Variants in GNA11 observed in about 807,000 individuals in gnomAD.
GNA11 encodes G protein subunit alpha 11.
Under a neutral mutation model 38.2 loss-of-function variants are expected in GNA11, and 8 were observed. That is an observed-to-expected ratio of 0.21 (90% CI 0.12 to 0.38). The LOEUF is 0.38. Among genes scored for constraint, GNA11 ranks in the 10% least tolerant of loss-of-function variants. The probability of loss-of-function intolerance (pLI) is 1.00; values close to 1 mark genes in which losing one functional copy is unlikely to be tolerated. For missense variants in GNA11, 268 were observed against 516.3 expected, an observed-to-expected ratio of 0.52 and a Z score of 4.66; for synonymous variants, 211 against 221.4, an observed-to-expected ratio of 0.95 and a Z score of 0.42.
intron 1 of GNA11, among the ~76,000 whole-genome samples, chr19:3,103,883 C>T (rs1913569984): frequency 6.6e-6 from 1 of 152,086 alleles, no homozygotes; most frequent in Non-Finnish European, 1.5e-5. Context: ...GACGCGGTTT[C>T]ACCGTGTTAG....
intron 1 of GNA11, among the ~76,000 whole-genome samples, chr19:3,103,088 C>T (rs965748009): frequency 6.6e-6 from 1 of 152,170 alleles, no homozygotes; most frequent in African/African-American, 2.4e-5. Context: ...GCTCAGGCGT[C>T]GTAGACGGGA....
rs1433092196 is a variant in GNA11, at chr19:3,110,914, G to A, written c.321+581G>A. On this transcript the variant is annotated intron_variant, in intron 2 of 6. Coordinates refer to ENST00000078429, the MANE Select transcript of GNA11 (RefSeq NM_002067.5). This position sits in a 1 kb window ranked among gnomAD's most constrained non-coding sequence, Gnocchi z 5.4. ...TCTGGGCTCAGGTGATCCCACCACAGCCTCCCGGGTAGCTGGGACTGCAGG... is the reference window on the plus strand; with the variant it reads ...TCTGGGCTCAGGTGATCCCACCACAACCTCCCGGGTAGCTGGGACTGCAGG... Among the ~76,000 whole-genome samples, 1 of 152,192 alleles carries A rather than the reference G, an allele frequency of 6.6e-6. No homozygotes were observed. Among genetic ancestry groups the A allele is most frequent in the Non-Finnish European group, 1.5e-5 (1 of 68,040 alleles).
Position 3,121,435 on chromosome 19 carries a change from C to A in GNA11, c.*256C>A. The A allele has an allele frequency of 9.9e-6, 3 of 302,946 alleles. No individual in the cohort carries two copies. Among genetic ancestry groups the A allele is most frequent in the Non-Finnish European group, 6.0e-6 (1 of 167,716 alleles). 18.8% of individuals were successfully genotyped at this position (302,946 alleles called of 1,614,324 possible). A position where few individuals can be genotyped will look rare whatever the true frequency, so the allele number is the denominator to read the frequency against. On this transcript the variant is annotated 3_prime_UTR_variant, in exon 7 of 7. Coordinates refer to ENST00000078429, the MANE Select transcript of GNA11 (RefSeq NM_002067.5). ...AAAGGCAGCCTTTTTCTGGCCTTGA[C>A]TTATGGCTCGCTTTTTTCTAAAAAA... is the stretch of plus-strand genomic sequence containing the variant.
intron 1 of GNA11, among the ~76,000 whole-genome samples, chr19:3,096,531 A>G (rs369469601): frequency 6.6e-6 from 1 of 152,242 alleles, no homozygotes; most frequent in East Asian, 1.9e-4. Context: ...CTGTGCCTGC[A>G]CTTTGGACTT....
At chr19:3,101,250 C>T (rs1435277982) in intron 1 of GNA11, among the ~76,000 whole-genome samples, 4 of 152,230 alleles carry the variant, frequency 2.6e-5, no homozygotes, top group African/African-American at 9.6e-5. Context: ...TGCTGGGCCC[C>T]GCCACCGAGC....
Position 3,123,551 on chromosome 19 carries a change from C to T in GNA11, c.*2372C>T. 2 of 233,270 alleles carry T rather than the reference C, an allele frequency of 8.6e-6. No individual in the cohort carries two copies. The highest frequency in any genetic ancestry group is 1.2e-4 in the East Asian group (2 of 16,566). 14.5% of individuals were successfully genotyped at this position (233,270 alleles called of 1,614,324 possible). On this transcript the variant is annotated 3_prime_UTR_variant, in exon 7 of 7. Coordinates refer to ENST00000078429, the MANE Select transcript of GNA11 (RefSeq NM_002067.5). ...GGTGAATCTCACCTGCCAACGATTT[C>T]TCGTGAGTGCCGACCACCTTCTCCG...
At chr19:3,100,958 G>C (rs999060909) in intron 1 of GNA11, among the ~76,000 whole-genome samples, 1 of 152,212 alleles carries the variant, frequency 6.6e-6, no homozygotes, top group Admixed American at 6.5e-5. Flanking sequence ...CTGGGCGGTG[G>C]TGCTCCCTGG....
Position 3,119,183 on chromosome 19 carries a change from C to T in GNA11, c.736-23C>T, listed in dbSNP as rs367580054. 1.2e-5 allele frequency: 19 copies of T among 1,610,462 alleles called. No homozygotes were observed. The highest frequency in any genetic ancestry group is 1.6e-5 in the Non-Finnish European group (19 of 1,178,702). ...TGCAGTGGGGAGGGCCCCTCTGATT[C>T]CCTCTGCCTTCGCTCCCGCCAGAAC... On this transcript the variant is annotated intron_variant, in intron 5 of 6. Coordinates refer to ENST00000078429, the MANE Select transcript of GNA11 (RefSeq NM_002067.5). This position sits in a 1 kb window ranked among gnomAD's most constrained non-coding sequence, Gnocchi z 4.6.
intron 1 of GNA11, among the ~76,000 whole-genome samples, chr19:3,096,000 C>G (rs761296894): frequency 6.6e-6 from 1 of 152,210 alleles, no homozygotes; most frequent in East Asian, 1.9e-4. Flanking sequence ...CCCTCCCGAG[C>G]TCCTAGGTTA....
At chr19:3,115,404 C>T (rs41276848) in intron 4 of GNA11, 35,081 of 250,372 alleles carry the variant, frequency 0.14, 2,886 homozygotes, top group East Asian at 0.17. Context: ...GACCCTGTTT[C>T]GTCTTATTAA....
Position 3,115,010 on chromosome 19 carries a change from G to T in GNA11, c.543G>T (p.Arg181=), listed in dbSNP as rs1387749615. 3.1e-6 allele frequency: 5 copies of T among 1,613,280 alleles called. No homozygotes were observed. Among genetic ancestry groups the T allele is most frequent in the Non-Finnish European group, 4.2e-6 (5 of 1,179,860 alleles). ...TGCCCACCCAGCAGGACGTGCTGCG[G>T]GTCCGCGTGCCCACCACCGGCATCA... ...GYLPTQQDVL[R]VRVPTTGIIE... Residue 181 remains arginine, a synonymous_variant, in exon 4 of 7, where the codon CGG becomes CGT. Transcript: ENST00000078429.
At position 3,108,173 on chromosome 19, in the gene GNA11, C is replaced by G. The variant is rs953414936; in HGVS notation, c.137-1976C>G. ...TCAGGTGCTGTGGGCAGTTCCTGGG[C>G]TTTGTCGAGGGCCTCCCGAAGGCAG... On this transcript the variant is annotated intron_variant, in intron 1 of 6. Transcript: ENST00000078429. The surrounding 1 kb of genome is among the most constrained non-coding windows in gnomAD (Gnocchi z 4.5). Among the ~76,000 whole-genome samples the G allele has an allele frequency of 6.6e-6, 1 of 152,184 alleles. No individual in the cohort carries two copies. Among genetic ancestry groups the G allele is most frequent in the Non-Finnish European group, 1.5e-5 (1 of 68,024 alleles).
chr19:3,115,195 G>A, intron 4 of GNA11, 123 bp downstream of exon 4: 1 of 1,148,732 alleles, frequency 8.7e-7, no homozygotes, highest in Middle Eastern at 2.4e-4. Flanking sequence ...CCTGAGTCCA[G>A]GAGTTTGAGA....
intron 4 of GNA11, 78 bp from the exon 5 acceptor site, chr19:3,118,846 T>G: frequency 7.4e-7 from 1 of 1,358,934 alleles, no homozygotes; most frequent in Admixed American, 1.7e-5. Flanking sequence ...AGGAGGGGCT[T>G]GGGTGGGAGC....
At chr19:3,116,063 A>C (rs1010668005) in intron 4 of GNA11, among the ~76,000 whole-genome samples, 7 of 151,702 alleles carry the variant, frequency 4.6e-5, no homozygotes, top group African/African-American at 1.5e-4. Context: ...TCTGTTCTTC[A>C]CGGGCTGCCC....
chr19:3,096,315 C>T (rs762303285), intron 1 of GNA11, among the ~76,000 whole-genome samples: 2 of 152,178 alleles, frequency 1.3e-5, no homozygotes, highest in Admixed American at 6.5e-5. Flanking sequence ...GTGGTCCTCA[C>T]GTTTGGAGGA....
rs1386803748 is a variant in GNA11, at chr19:3,120,731, G to A, written c.890-258G>A. Among the ~76,000 whole-genome samples, 1 of 152,172 alleles carries A rather than the reference G, an allele frequency of 6.6e-6. No individual in the cohort carries two copies. The highest frequency in any genetic ancestry group is 2.4e-5 in the African/African-American group (1 of 41,438). ...GAGGCCGGCAGAGGGCTGAGCAGAGGGAGCAGCGGTGGGTGCAGAGCCCCA... is the reference window on the plus strand; with the variant it reads ...GAGGCCGGCAGAGGGCTGAGCAGAGAGAGCAGCGGTGGGTGCAGAGCCCCA... On this transcript the variant is annotated intron_variant, in intron 6 of 6. Coordinates refer to ENST00000078429, the MANE Select transcript of GNA11 (RefSeq NM_002067.5). This position sits in a 1 kb window ranked among gnomAD's most constrained non-coding sequence, Gnocchi z 5.9.
rs1044977079 is a variant in GNA11, at chr19:3,122,843, G to A, written c.*1664G>A. ...GCAGGGCTGTCTGCTGGCTTCTGGG[G>A]GCAGAAGAGCGGGGAGCCCCGTGGA... On this transcript the variant is annotated 3_prime_UTR_variant, in exon 7 of 7. Coordinates refer to ENST00000078429, the MANE Select transcript of GNA11 (RefSeq NM_002067.5). The surrounding 1 kb of genome is among the most constrained non-coding windows in gnomAD (Gnocchi z 7.7). The A allele has an allele frequency of 8.6e-6, 2 of 233,514 alleles. No individual in the cohort carries two copies. Among genetic ancestry groups the A allele is most frequent in the Non-Finnish European group, 1.7e-5 (2 of 118,320 alleles). The allele number at this position is 233,514 out of a possible 1,614,324, so 14.5% of individuals were successfully genotyped here. A position where few individuals can be genotyped will look rare whatever the true frequency, so the allele number is the denominator to read the frequency against.
At chr19:3,101,035 T>G (rs1799713491) in intron 1 of GNA11, among the ~76,000 whole-genome samples, 1 of 152,198 alleles carries the variant, frequency 6.6e-6, no homozygotes, top group Admixed American at 6.5e-5. Flanking sequence ...CCCAGGTTTC[T>G]GTCCCTGTCT....
Sources: gnomAD v4.1 joint callset for allele counts (sites outside exome capture counted in the v4.1 genomes callset) on GRCh38, gnomAD v4.1.1 for gene constraint, Gnocchi (gnomAD v3.1) non-coding constraint, MANE v1.5 for transcripts, NCBI Gene and HGNC (gene_info 2026-07-23, HGNC 2026-07-21) for gene names.